The following NEURL1 variants were observed in gnomAD, a reference collection of about 807,000 sequenced individuals.
The protein encoded by NEURL1 is neuralized E3 ubiquitin protein ligase 1.
NEURL1 carries 26 observed loss-of-function variants against 41.2 expected under a neutral mutation model. The ratio of observed to expected loss-of-function variants is 0.63; its 90% CI spans 0.46 to 0.87. The LOEUF (loss-of-function observed/expected upper bound fraction) is 0.87, where lower values mean the gene tolerates loss of function less well. Ranked by LOEUF, NEURL1 falls within the 40% of genes least tolerant of loss-of-function variation. The pLI is 0.00. For missense variants in NEURL1, 761 were observed against 871.1 expected, an observed-to-expected ratio of 0.87 and a Z score of 1.59; for synonymous variants, 400 against 402.3, an observed-to-expected ratio of 0.99 and a Z score of 0.07.
chr10:103,560,238 C>T (rs1007791220), intron 1 of NEURL1, among the ~76,000 whole-genome samples: 1 of 152,198 alleles, frequency 6.6e-6, no homozygotes, highest in African/African-American at 2.4e-5. Context: ...TGCACTTCCC[C>T]TCATTCTCCA....
chr10:103,555,393 T>G, intron 1 of NEURL1: 1 of 1,359,482 alleles, frequency 7.4e-7, no homozygotes, highest in Non-Finnish European at 9.8e-7. Context: ...GGGGGACAGA[T>G]CACCCGGAGC....
Position 103,584,595 on chromosome 10 carries a change from C to T in NEURL1, c.709C>T (p.Pro237Ser). The change falls in exon 4 of 6, where the codon CCG (proline) becomes TCG (serine). Residue 237 changes from proline (P) to serine (S), a missense_variant. Transcript: ENST00000369780. ...GCGCTCCTTCACCGCCCTGCGGCGGCCGTCGCTGCGGCGCGAGGCGGACGA... is the reference window on the plus strand; with the variant it reads ...GCGCTCCTTCACCGCCCTGCGGCGGTCGTCGCTGCGGCGCGAGGCGGACGA... ...RPRSFTALRRPSLRREADDAR... is the reference protein window; with the variant it reads ...RPRSFTALRRSSLRREADDAR... The T allele has an allele frequency of 7.1e-7, 1 of 1,415,922 alleles. No homozygotes were observed. Among genetic ancestry groups the T allele is most frequent in the South Asian group, 1.5e-5 (1 of 67,416 alleles). The allele number at this position is 1,415,922 out of a possible 1,614,324, so 87.7% of individuals were successfully genotyped here. A position where few individuals can be genotyped will look rare whatever the true frequency, so the allele number is the denominator to read the frequency against.
intron 3 of NEURL1, among the ~76,000 whole-genome samples, chr10:103,580,615 T>C (rs576104515): frequency 6.6e-6 from 1 of 152,280 alleles, no homozygotes; most frequent in South Asian, 2.1e-4. Flanking sequence ...GTTTCATCTA[T>C]TTCAGGGCTT....
chr10:103,520,787 C>T (rs930087978), intron 1 of NEURL1, among the ~76,000 whole-genome samples: 2 of 151,988 alleles, frequency 1.3e-5, no homozygotes, highest in African/African-American at 4.8e-5. Context: ...GGCGTGGGAA[C>T]CTACAGTGGG....
chr10:103,544,758 G>C (rs2034892427), intron 1 of NEURL1, among the ~76,000 whole-genome samples: 1 of 152,214 alleles, frequency 6.6e-6, no homozygotes, highest in African/African-American at 2.4e-5. Context: ...TTTTAGAGAA[G>C]GGAGGGGTTC....
At chr10:103,589,812 C>A (rs893125609) in intron 5 of NEURL1, 152 bp downstream of exon 5, 2 of 1,112,420 alleles carry the variant, frequency 1.8e-6, no homozygotes, top group South Asian at 1.5e-5. Context: ...CCCCTCCTGT[C>A]CCCTAGCTGG....
rs1353787906 is a variant in NEURL1, at chr10:103,496,963, TG to T, written c.85+2496del. 2.6e-5 allele frequency among the ~76,000 whole-genome samples: 4 copies of T among 151,926 alleles called. No homozygotes were observed. In the South Asian group the frequency reaches 8.4e-4, roughly 32 times the overall value. The stretch of plus-strand genomic sequence containing the variant: ...TAGGGTCTTTGGCAGAAGGCAGGAG[TG>T]GGGGCCCCATCCACACACCACTGTA... On this transcript the variant is annotated intron_variant, in intron 1 of 5. Coordinates refer to ENST00000369780, the MANE Select transcript of NEURL1 (RefSeq NM_004210.5).
chr10:103,534,498 G>C (rs1017117097), intron 1 of NEURL1, among the ~76,000 whole-genome samples: 2 of 151,908 alleles, frequency 1.3e-5, no homozygotes, highest in Non-Finnish European at 2.9e-5. Flanking sequence ...CAATGGTATA[G>C]TCTCTATGCA....
chr10:103,544,908 G>A (rs1413924383), intron 1 of NEURL1, among the ~76,000 whole-genome samples: 1 of 152,220 alleles, frequency 6.6e-6, no homozygotes, highest in East Asian at 1.9e-4. Flanking sequence ...AAAAGGGGCT[G>A]CCCTCCCTAA....
At chr10:103,544,521 A>G (rs866425142) in intron 1 of NEURL1, among the ~76,000 whole-genome samples, 4 of 152,296 alleles carry the variant, frequency 2.6e-5, no homozygotes, top group Middle Eastern at 3.4e-3. Flanking sequence ...ACCAGTCCAA[A>G]GCCTCTATTT....
rs533584139 is a variant in NEURL1, at chr10:103,590,734, T to C, written c.*362T>C. The C allele has an allele frequency of 1.0e-5, 3 of 289,242 alleles. No homozygotes were observed. In the South Asian group the frequency reaches 1.3e-4, roughly 13 times the overall value. The allele number at this position is 289,242 out of a possible 1,614,324, so 17.9% of individuals were successfully genotyped here. A position where few individuals can be genotyped will look rare whatever the true frequency, so the allele number is the denominator to read the frequency against. ...GGTGTCTGTAGTCCATGTGGCACCT[T>C]TGTGAGAATTAGAAAACATGTACCT... is the stretch of plus-strand genomic sequence containing the variant. On this transcript the variant is annotated 3_prime_UTR_variant, in exon 6 of 6. Coordinates refer to ENST00000369780, the MANE Select transcript of NEURL1 (RefSeq NM_004210.5).
At chr10:103,559,562 G>A (rs1181346776) in intron 1 of NEURL1, among the ~76,000 whole-genome samples, 2 of 152,178 alleles carry the variant, frequency 1.3e-5, no homozygotes, top group Non-Finnish European at 2.9e-5. Context: ...GGAAGGCGGA[G>A]CAGGTGTTCT....
intron 1 of NEURL1, among the ~76,000 whole-genome samples, chr10:103,561,304 C>CA (rs2035287747): frequency 6.6e-6 from 1 of 151,774 alleles, no homozygotes; most frequent in Non-Finnish European, 1.5e-5. Context: ...TCTTCTCACC[C>CA]AGGCTAGAGT....
At chr10:103,586,508 C>T (rs1201579961) in intron 4 of NEURL1, among the ~76,000 whole-genome samples, 5 of 152,138 alleles carry the variant, frequency 3.3e-5, no homozygotes, top group South Asian at 2.1e-4. Flanking sequence ...GGCCTCACAG[C>T]CCCTAGCCTA....
intron 1 of NEURL1, among the ~76,000 whole-genome samples, chr10:103,529,587 T>C (rs2034528340): frequency 6.6e-6 from 1 of 152,236 alleles, no homozygotes; most frequent in Admixed American, 6.5e-5. Context: ...TGTGTTCTGT[T>C]ACAAAAGAAA....
chr10:103,567,137 C>A (rs538209176), intron 1 of NEURL1, among the ~76,000 whole-genome samples: 2 of 152,026 alleles, frequency 1.3e-5, no homozygotes, highest in South Asian at 2.1e-4. Flanking sequence ...GTATGTGCCA[C>A]CCTGCCCGGG....
chr10:103,519,025 G>A (rs1298288419), intron 1 of NEURL1, among the ~76,000 whole-genome samples: 3 of 152,232 alleles, frequency 2.0e-5, no homozygotes, highest in African/African-American at 4.8e-5. Context: ...CGGGTGGATC[G>A]CTTGAGGTTA....
chr10:103,534,893 G>A (rs577060617), intron 1 of NEURL1, among the ~76,000 whole-genome samples: 30 of 152,228 alleles, frequency 2.0e-4, no homozygotes, highest in African/African-American at 6.5e-4. Context: ...TGAAGCACCC[G>A]CTATCAGCTC....
intron 4 of NEURL1, among the ~76,000 whole-genome samples, chr10:103,586,523 T>A (rs2035927512): frequency 6.6e-6 from 1 of 152,200 alleles, no homozygotes; most frequent in South Asian, 2.1e-4. Flanking sequence ...AGCCTAGACC[T>A]CAGCCCAGGA....
Sources: gnomAD v4.1 joint callset for allele counts (sites outside exome capture counted in the v4.1 genomes callset) on GRCh38, gnomAD v4.1.1 for gene constraint, MANE v1.5 for transcripts, NCBI Gene and HGNC (gene_info 2026-07-23, HGNC 2026-07-21) for gene names.